GRB14: variants seen among roughly 807,000 people sequenced by gnomAD.
GRB14 encodes growth factor receptor bound protein 14, also known as growth factor receptor-bound protein 14.
In GRB14, 38 loss-of-function variants were observed where a neutral mutation model predicts 69.1. The observed-to-expected ratio is 0.55, with a 90% CI of 0.42 to 0.72. The LOEUF (loss-of-function observed/expected upper bound fraction) is 0.72. Ranked by LOEUF, GRB14 falls within the 30% of genes least tolerant of loss-of-function variation. The probability of loss-of-function intolerance (pLI) is 0.00; values close to 1 mark genes in which losing one functional copy is unlikely to be tolerated. For missense variants in GRB14, 666 were observed against 666.1 expected, an observed-to-expected ratio of 1.00 and a Z score of 0.00; for synonymous variants, 247 against 241.3, an observed-to-expected ratio of 1.02 and a Z score of -0.22.
rs8192673 is a variant in GRB14, at chr2:164,497,202, C to T, written c.1294+9G>A. The stretch of plus-strand genomic sequence containing the variant: ...TCTACTCAGTGGCAATGACTATGAA[C>T]AGACATACCCATGTTTGTGGCAGAG... On this transcript the variant is annotated intron_variant, in intron 11 of 13. Transcript: ENST00000263915. 1,135,274 of 1,610,620 alleles carry T rather than the reference C, an allele frequency of 0.7. 404,642 individuals are homozygous for T. The highest frequency in any genetic ancestry group is 0.73 in the Non-Finnish European group (855,073 of 1,177,154).
At chr2:164,510,142 ATGTT>A (rs1413385726) in intron 6 of GRB14, among the ~76,000 whole-genome samples, 1 of 152,208 alleles carries the variant, frequency 6.6e-6, no homozygotes, top group African/African-American at 2.4e-5. Flanking sequence ...GCTGGTAAAA[ATGTT>A]TGATTTCTAG....
chr2:164,538,500 A>G (rs1688142361), intron 3 of GRB14, among the ~76,000 whole-genome samples: 1 of 152,222 alleles, frequency 6.6e-6, no homozygotes, highest in African/African-American at 2.4e-5. Context: ...GGTTTACTAC[A>G]TCATGAAAGG....
chr2:164,502,805 C>A (rs891710109), intron 8 of GRB14, among the ~76,000 whole-genome samples: 1 of 152,130 alleles, frequency 6.6e-6, no homozygotes, highest in Non-Finnish European at 1.5e-5. Flanking sequence ...AATCCATAAA[C>A]ATGGGCCTAT....
chr2:164,551,414 C>T (rs1164004401), intron 2 of GRB14, among the ~76,000 whole-genome samples: 1 of 152,166 alleles, frequency 6.6e-6, no homozygotes, highest in Non-Finnish European at 1.5e-5. Flanking sequence ...ATGCAATAGA[C>T]TGAATGTTTG....
rs77879715 is a variant in GRB14 at position 164,532,585 on chromosome 2, G to C, written c.482-5450C>G. On this transcript the variant is annotated intron_variant, in intron 3 of 13. Transcript: ENST00000263915. ...AGACAGAGGCAGGTGATTTAACACAGACAGAAGAGGAAAAGCAATGTGATC... is the reference window on the plus strand; with the variant it reads ...AGACAGAGGCAGGTGATTTAACACACACAGAAGAGGAAAAGCAATGTGATC... Among the ~76,000 whole-genome samples the C allele has an allele frequency of 4.5e-4, 68 of 152,256 alleles. 2 individuals carry two copies. The East Asian group carries it at 0.012, about 27-fold the overall frequency.
At chr2:164,616,768 A>G (rs1443227583) in intron 2 of GRB14, among the ~76,000 whole-genome samples, 1 of 152,204 alleles carries the variant, frequency 6.6e-6, no homozygotes, top group African/African-American at 2.4e-5. Flanking sequence ...TTTTCTGTGG[A>G]GAGAAAAGAA....
chr2:164,592,129 T>TTTTTG (rs1235871120), intron 2 of GRB14, among the ~76,000 whole-genome samples: 19 of 152,050 alleles, frequency 1.2e-4, no homozygotes, highest in East Asian at 7.8e-4. Flanking sequence ...ATGGGTTTTT[T>TTTTTG]TTTTGTTTTG....
At chr2:164,617,685 A>G (rs147609424) in intron 2 of GRB14, among the ~76,000 whole-genome samples, 65 of 152,250 alleles carry the variant, frequency 4.3e-4, no homozygotes, top group African/African-American at 1.5e-3. Context: ...TCATAGCATT[A>G]AAGTGAGTCA....
intron 5 of GRB14, among the ~76,000 whole-genome samples, chr2:164,522,744 G>A (rs1008534948): frequency 1.5e-4 from 23 of 152,028 alleles, no homozygotes; most frequent in Admixed American, 1.3e-3. Flanking sequence ...TTCCAAAGAG[G>A]ACAGCAACAA....
Position 164,568,807 on chromosome 2 carries a change from TTA to T in GRB14, c.325-20993_325-20992del, listed in dbSNP as rs1472200900. Among the ~76,000 whole-genome samples the T allele has an allele frequency of 4.6e-3, 697 of 152,262 alleles. 13 individuals are homozygous for T. Among genetic ancestry groups the T allele is most frequent in the African/African-American group, 0.015 (620 of 41,556 alleles). On this transcript the variant is annotated intron_variant, in intron 2 of 13. Transcript: ENST00000263915. The stretch of plus-strand genomic sequence containing the variant: ...GGTCTATTTAAAGTATATAAATATA[TTA>T]ATGAACTAAATTTACTTATGCTATT...
chr2:164,516,840 A>T (rs1271281621), intron 6 of GRB14, among the ~76,000 whole-genome samples: 1 of 152,146 alleles, frequency 6.6e-6, no homozygotes, highest in African/African-American at 2.4e-5. Flanking sequence ...CCTGGCTAAC[A>T]TGGTGAAACC....
At chr2:164,539,789 A>G (rs1200583116) in intron 3 of GRB14, 1 of 152,116 alleles carries the variant, frequency 6.6e-6, no homozygotes, top group African/African-American at 2.4e-5. Context: ...GGATCTCACA[A>G]ACACTAAATC....
intron 9 of GRB14, among the ~76,000 whole-genome samples, chr2:164,498,958 G>A (rs1392856202): frequency 6.6e-6 from 1 of 152,098 alleles, no homozygotes; most frequent in Non-Finnish European, 1.5e-5. Flanking sequence ...CACAGATGCT[G>A]TCTCTGTAAT....
Position 164,493,003 on chromosome 2 carries a change from C to T in GRB14, c.*33G>A. 5 of 1,574,268 alleles carry T rather than the reference C, an allele frequency of 3.2e-6. No individual in the cohort carries two copies. Among genetic ancestry groups the T allele is most frequent in the East Asian group, 2.3e-5 (1 of 43,508 alleles). ...TTATTATTTTTCTTGAGTCCTTTTC[C>T]TTCAATAGTTTAATAAGTCACTTCT... is the stretch of plus-strand genomic sequence containing the variant. On this transcript the variant is annotated 3_prime_UTR_variant, in exon 14 of 14. Coordinates refer to ENST00000263915, the MANE Select transcript of GRB14 (RefSeq NM_004490.3).
At chr2:164,602,530 G>A (rs557240049) in intron 2 of GRB14, among the ~76,000 whole-genome samples, 3 of 152,056 alleles carry the variant, frequency 2.0e-5, no homozygotes, top group African/African-American at 7.2e-5. Context: ...CATTATAAAA[G>A]GATTTTATTG....
intron 3 of GRB14, among the ~76,000 whole-genome samples, chr2:164,531,160 A>G (rs1687925621): frequency 6.6e-6 from 1 of 152,206 alleles, no homozygotes; most frequent in African/African-American, 2.4e-5. Context: ...AATAAGCTAG[A>G]AAAACTGCAA....
chr2:164,578,921 A>ATTCAT (rs1218872054), intron 2 of GRB14, among the ~76,000 whole-genome samples: 1 of 152,226 alleles, frequency 6.6e-6, no homozygotes, highest in Non-Finnish European at 1.5e-5. Flanking sequence ...ATATACTGGA[A>ATTCAT]ATGGTCACAT....
Position 164,508,535 on chromosome 2 carries a change from C to T in GRB14, c.943G>A (p.Gly315Arg). The T allele has an allele frequency of 1.2e-6, 2 of 1,613,978 alleles. No individual in the cohort carries two copies. Among genetic ancestry groups the T allele is most frequent in the African/African-American group, 2.7e-5 (2 of 75,032 alleles). ...CAGAGCATTTTCAGGTCTCGGGGCC[C>T]TCCCGCTTTGTTAGGCTAGAAGGCC... ...GFCFKPNKAG[G>R]PRDLKMLCAE... The change falls in exon 8 of 14, where the codon GGG becomes AGG. Residue 315 changes from glycine (G) to arginine (R), a missense_variant. By Grantham distance (125) the Gly-to-Arg change is moderately radical (BLOSUM62 -2). Coordinates refer to ENST00000263915, the MANE Select transcript of GRB14 (RefSeq NM_004490.3).
chr2:164,587,209 T>C (rs1170986808), intron 2 of GRB14, among the ~76,000 whole-genome samples: 1 of 152,140 alleles, frequency 6.6e-6, no homozygotes, highest in Non-Finnish European at 1.5e-5. Context: ...AAAACTTTCA[T>C]TTGCAAAACT....
Sources: allele counts gnomAD v4.1 joint callset (sites outside exome capture counted in the v4.1 genomes callset), GRCh38; gene constraint gnomAD v4.1.1; transcripts MANE v1.5; gene names NCBI Gene and HGNC (gene_info 2026-07-23, HGNC 2026-07-21).